The following DKK4 variants were observed in gnomAD, a reference collection of about 807,000 sequenced individuals.
The protein encoded by DKK4 is dickkopf-related protein 4.
A neutral mutation model predicts 14.5 loss-of-function variants in DKK4; 15 were observed. That is an observed-to-expected ratio of 1.03 (90% CI 0.69 to 1.59). The LOEUF (loss-of-function observed/expected upper bound fraction) is 1.59. DKK4 is among the 40% of genes most tolerant of loss of function. The pLI, the probability that DKK4 is intolerant of heterozygous loss-of-function variation, is 0.00. For synonymous variants in DKK4, 89 were observed against 105.2 expected, an observed-to-expected ratio of 0.85 and a Z score of 0.94; for missense variants, 272 against 280.3, an observed-to-expected ratio of 0.97 and a Z score of 0.21.
chr8:42,374,363 T>C lies in DKK4; in HGVS notation c.416-4A>G. On this transcript the variant is annotated splice_polypyrimidine_tract_variant and splice_region_variant and intron_variant, in intron 3 of 3. Transcript: ENST00000220812. Reference sequence around the variant, plus strand: ...AGACAACTTTCTCCCTCTTGTCCTGTAACAAGGTTAATGTGGGCTTTAGTG... The same window carrying C: ...AGACAACTTTCTCCCTCTTGTCCTGCAACAAGGTTAATGTGGGCTTTAGTG... 6.2e-7 allele frequency: 1 copy of C among 1,613,042 alleles called. No homozygotes were observed. Among genetic ancestry groups the C allele is most frequent in the Non-Finnish European group, 8.5e-7 (1 of 1,179,812 alleles).
At chr8:42,377,280 C>G (rs915283718), upstream of DKK4, 4 of 504,402 alleles carry the variant, frequency 7.9e-6, no homozygotes, top group Admixed American at 3.3e-5. Context: ...GCCTCCTCCC[C>G]GCTCCGTTCC....
chr8:42,377,710 C>T (rs1478167980), upstream of DKK4, among the ~76,000 whole-genome samples: 1 of 152,148 alleles, frequency 6.6e-6, no homozygotes, highest in East Asian at 1.9e-4. Flanking sequence ...AGAGAAAACG[C>T]CCCCTGATTA....
At position 42,375,663 on chromosome 8, in the gene DKK4, G is replaced by A. The variant is rs1824543306; in HGVS notation, c.262+17C>T. 1.9e-6 allele frequency: 3 copies of A among 1,612,442 alleles called. No homozygotes were observed. Among genetic ancestry groups the A allele is most frequent in the Admixed American group, 1.7e-5 (1 of 60,004 alleles). ...TACCTTCGGTTTAAAAACCACTGTT[G>A]GCGTTATGTCGCTCACCGTTCACAC... On this transcript the variant is annotated intron_variant, in intron 2 of 3. Transcript: ENST00000220812.
upstream of DKK4, among the ~76,000 whole-genome samples, chr8:42,379,423 A>AGAGAGAGAGG (rs1824631183): frequency 8.1e-6 from 1 of 123,014 alleles, no homozygotes; most frequent in African/African-American, 3.1e-5. Flanking sequence ...AGAGAGAGAG[A>AGAGAGAGAGG]GAGAAAGATT....
chr8:42,375,519 GAAA>G (rs111452997), intron 2 of DKK4, among the ~76,000 whole-genome samples, 158 bp downstream of exon 2: 7 of 117,032 alleles, frequency 6.0e-5, no homozygotes, highest in Non-Finnish European at 9.2e-5. Context: ...CTCCGCCTCA[GAAA>G]AAAAAAAAAA....
At chr8:42,382,826 T>G in the DKK4 span, among the ~76,000 whole-genome samples, 1 of 152,220 alleles carries the variant, frequency 6.6e-6, no homozygotes, top group African/African-American at 2.4e-5. Context: ...AAAAAAAATT[T>G]CCAGAGGTCC....
chr8:42,377,024 C>T lies in DKK4; in HGVS notation c.22G>A (p.Gly8Arg), dbSNP rs1824578117. Reference protein sequence around the residue: MVAAVLLGLSWLCSPLGA... With the variant: MVAAVLLRLSWLCSPLGA... ...AGGGGAGAGCAGAGCCAGCTCAGCC[C>T]CAGCAGGACGGCCGCCACCATCCTT... is the stretch of plus-strand genomic sequence containing the variant. Residue 8 changes from glycine (G) to arginine (R), a missense_variant, in exon 1 of 4, where the codon GGG becomes AGG. Coordinates refer to ENST00000220812, the MANE Select transcript of DKK4 (RefSeq NM_014420.3). The T allele has an allele frequency of 1.2e-6, 2 of 1,613,124 alleles. No individual in the cohort carries two copies. Among genetic ancestry groups the T allele is most frequent in the Admixed American group, 1.7e-5 (1 of 59,990 alleles).
chr8:42,376,386 TATATG>T (rs1824565300), intron 1 of DKK4, among the ~76,000 whole-genome samples: 1 of 152,226 alleles, frequency 6.6e-6, no homozygotes, highest in Non-Finnish European at 1.5e-5. Flanking sequence ...AGGTGTAGCA[TATATG>T]ATATATGTAA....
chr8:42,389,185 C>T, the DKK4 span, among the ~76,000 whole-genome samples: 1 of 152,316 alleles, frequency 6.6e-6, no homozygotes, highest in Non-Finnish European at 1.5e-5. Flanking sequence ...CTCAAGCAAT[C>T]CACTGCCTCA....
the DKK4 span, among the ~76,000 whole-genome samples, chr8:42,387,420 C>T: frequency 4.5e-5 from 6 of 134,342 alleles, no homozygotes; most frequent in South Asian, 2.3e-4. Context: ...TGCAATGGCA[C>T]GATCTCTGCT....
chr8:42,384,921 T>C, the DKK4 span, among the ~76,000 whole-genome samples: 1 of 152,212 alleles, frequency 6.6e-6, no homozygotes, highest in East Asian at 1.9e-4. Context: ...ACTCTGGTTG[T>C]ATGTCACCTC....
At chr8:42,386,726 C>G in the DKK4 span, among the ~76,000 whole-genome samples, 4 of 152,112 alleles carry the variant, frequency 2.6e-5, no homozygotes, top group African/African-American at 7.2e-5. Flanking sequence ...TGGCCTTAAG[C>G]GATCTTCCTG....
chr8:42,376,379 T>A (rs1824565028), intron 1 of DKK4, among the ~76,000 whole-genome samples: 1 of 152,202 alleles, frequency 6.6e-6, no homozygotes, highest in Admixed American at 6.5e-5. Flanking sequence ...ACAACGTAGG[T>A]GTAGCATATA....
upstream of DKK4, chr8:42,377,365 T>G: frequency 7.7e-6 from 2 of 259,182 alleles, no homozygotes; most frequent in South Asian, 1.0e-4. Context: ...AAGGACTCAA[T>G]AGAAGGAGAG....
chr8:42,377,392 C>T (rs919458565), upstream of DKK4, among the ~76,000 whole-genome samples: 6 of 152,162 alleles, frequency 3.9e-5, no homozygotes, highest in East Asian at 3.9e-4. Flanking sequence ...CAGGGCCATG[C>T]GGCTTCTCCT....
upstream of DKK4, among the ~76,000 whole-genome samples, chr8:42,378,232 G>C (rs1190603785): frequency 6.6e-6 from 1 of 151,970 alleles, no homozygotes; most frequent in Admixed American, 6.6e-5. Context: ...TTGTTTCATT[G>C]CTCTTAGCAT....
At position 42,374,274 on chromosome 8, in the gene DKK4, C is replaced by T; in HGVS notation, c.501G>A (p.Lys167=). Residue 167 remains lysine (K), a synonymous_variant, in exon 4 of 4, where the codon AAG becomes AAA. Transcript: ENST00000220812. ...AGACCTGTCCCTCCAAAAGGACTGGCTTACAAATTTTCGTCCAAAAATGAC... is the reference window on the plus strand; with the variant it reads ...AGACCTGTCCCTCCAAAAGGACTGGTTTACAAATTTTCGTCCAAAAATGAC... The part of the protein sequence containing the change: ...CARHFWTKIC[K]PVLLEGQVCS... 4 of 1,611,954 alleles carry T rather than the reference C, an allele frequency of 2.5e-6. No individual in the cohort carries two copies. The highest frequency in any genetic ancestry group is 3.4e-6 in the Non-Finnish European group (4 of 1,178,910).
upstream of DKK4, among the ~76,000 whole-genome samples, chr8:42,378,943 CAAAA>C (rs1166439885): frequency 8.1e-5 from 4 of 49,460 alleles, no homozygotes; most frequent in African/African-American, 1.9e-4. Flanking sequence ...CCTGTCTCCA[CAAAA>C]AAAAAAAAAA....
the DKK4 span, among the ~76,000 whole-genome samples, chr8:42,390,706 T>C: frequency 2.6e-5 from 4 of 152,200 alleles, no homozygotes; most frequent in Non-Finnish European, 5.9e-5. Flanking sequence ...ACTGACATTT[T>C]TGAAGACTGG....
Sources: gnomAD v4.1 joint callset for allele counts (sites outside exome capture counted in the v4.1 genomes callset) on GRCh38, gnomAD v4.1.1 for gene constraint, MANE v1.5 for transcripts, NCBI Gene and HGNC (gene_info 2026-07-23, HGNC 2026-07-21) for gene names.